The following TMEM266 variants were observed in gnomAD, a reference collection of about 807,000 sequenced individuals.
TMEM266 encodes Hv1 related protein 1.
In TMEM266, 33 loss-of-function variants were observed where a neutral mutation model predicts 50.5. The ratio of observed to expected loss-of-function variants is 0.65; its 90% CI spans 0.50 to 0.87. TMEM266 has a LOEUF of 0.87. Ranked by LOEUF, TMEM266 falls within the 40% of genes least tolerant of loss-of-function variation. The pLI is 0.00. For synonymous variants in TMEM266, 310 were observed against 292.3 expected (o/e 1.06, Z -0.62); for missense variants, 655 against 695.1 (o/e 0.94, Z 0.65).
chr15:76,149,778 A>G (rs2037810047), intron 3 of TMEM266, among the ~76,000 whole-genome samples: 1 of 152,192 alleles, frequency 6.6e-6, no homozygotes, highest in African/African-American at 2.4e-5. Flanking sequence ...AAGCAACTAG[A>G]CGAGTTAACA....
chr15:76,063,110 G>C (rs1173085110), intron 1 of TMEM266, among the ~76,000 whole-genome samples: 2 of 152,120 alleles, frequency 1.3e-5, no homozygotes, highest in African/African-American at 4.8e-5. Flanking sequence ...CGACAGTCTT[G>C]AATCACAAAA....
At chr15:76,176,753 G>A (rs1239728162) in intron 8 of TMEM266, among the ~76,000 whole-genome samples, 2 of 152,228 alleles carry the variant, frequency 1.3e-5, no homozygotes, top group African/African-American at 4.8e-5. Context: ...CTTCTGGCTT[G>A]CAGTGCGGTG....
intron 3 of TMEM266, among the ~76,000 whole-genome samples, chr15:76,150,692 C>T (rs1014819864): frequency 6.6e-6 from 1 of 152,144 alleles, no homozygotes; most frequent in Non-Finnish European, 1.5e-5. Context: ...AAGCACAGCC[C>T]TCCCCATCCT....
At chr15:76,084,586 G>A (rs946806658) in intron 1 of TMEM266, among the ~76,000 whole-genome samples, 1 of 141,904 alleles carries the variant, frequency 7.0e-6, no homozygotes, top group African/African-American at 2.8e-5. Context: ...CCAGAGATGA[G>A]GGTTTTTTTT....
chr15:76,093,889 G>A (rs2036888096), intron 1 of TMEM266, among the ~76,000 whole-genome samples: 1 of 152,042 alleles, frequency 6.6e-6, no homozygotes, highest in Non-Finnish European at 1.5e-5. Flanking sequence ...TTTTTCATAT[G>A]TGTGTTGGCT....
chr15:76,096,031 ACTAT>A (rs1216248230), intron 1 of TMEM266, among the ~76,000 whole-genome samples: 4 of 151,672 alleles, frequency 2.6e-5, no homozygotes, highest in Non-Finnish European at 5.9e-5. Flanking sequence ...TGGCTAGCAG[ACTAT>A]CTATTTTGTT....
At chr15:76,186,327 G>A (rs1031895383) in intron 8 of TMEM266, among the ~76,000 whole-genome samples, 1 of 152,190 alleles carries the variant, frequency 6.6e-6, no homozygotes, top group South Asian at 2.1e-4. Context: ...ATGTGGCCAT[G>A]ATAAGCATAG....
chr15:76,204,588 G>A lies in TMEM266; in HGVS notation c.*273G>A, dbSNP rs944268416. The A allele has an allele frequency of 6.7e-6, 2 of 298,810 alleles. No homozygotes were observed. Among genetic ancestry groups the A allele is most frequent in the Non-Finnish European group, 1.2e-5 (2 of 160,344 alleles). 18.5% of individuals were successfully genotyped at this position (298,810 alleles called of 1,614,324 possible). ...ACCATTTTTACAAAAACCAGCCTGT[G>A]GCCCAGCTTCAGCAGGGTAGAGTGT... On this transcript the variant is annotated 3_prime_UTR_variant, in exon 11 of 11. Transcript: ENST00000388942.
chr15:76,170,883 G>A, intron 6 of TMEM266, 110 bp from the exon 7 acceptor site: 1 of 1,371,816 alleles, frequency 7.3e-7, no homozygotes, highest in South Asian at 1.5e-5. Flanking sequence ...CTTCTGGTGG[G>A]GGCCCGGGCT....
intron 1 of TMEM266, among the ~76,000 whole-genome samples, chr15:76,060,439 G>C (rs961883502): frequency 6.6e-6 from 1 of 152,252 alleles, no homozygotes; most frequent in Non-Finnish European, 1.5e-5. Context: ...ACGTGGTATA[G>C]AGGTGGAAAT....
chr15:76,097,570 G>A (rs1000376946), intron 1 of TMEM266, among the ~76,000 whole-genome samples: 1 of 151,742 alleles, frequency 6.6e-6, no homozygotes, highest in African/African-American at 2.4e-5. Context: ...GACGATTATG[G>A]GTCTTGGGGT....
chr15:76,121,416 CT>C (rs571553857), intron 1 of TMEM266, among the ~76,000 whole-genome samples: 7 of 148,558 alleles, frequency 4.7e-5, no homozygotes, highest in Non-Finnish European at 7.5e-5. Context: ...TCTTGGTGTT[CT>C]TTTTTTTTTA....
chr15:76,175,814 T>C, intron 8 of TMEM266, 140 bp downstream of exon 8: 1 of 639,542 alleles, frequency 1.6e-6, no homozygotes, highest in Admixed American at 2.7e-5. Context: ...ATGGGGAACC[T>C]GAAGCCCAGA....
chr15:76,199,910 G>A (rs2038717540), intron 9 of TMEM266, among the ~76,000 whole-genome samples: 1 of 152,186 alleles, frequency 6.6e-6, no homozygotes, highest in East Asian at 1.9e-4. Flanking sequence ...CTTTTTAGGT[G>A]GTGGAAGGGC....
At chr15:76,158,353 A>T (rs1305228527) in intron 4 of TMEM266, among the ~76,000 whole-genome samples, 2 of 152,168 alleles carry the variant, frequency 1.3e-5, no homozygotes, top group African/African-American at 4.8e-5. Flanking sequence ...CTGGTTTTAC[A>T]CTCAACCTGT....
chr15:76,111,828 C>T (rs1049021489), intron 1 of TMEM266, among the ~76,000 whole-genome samples: 16 of 152,232 alleles, frequency 1.1e-4, no homozygotes, highest in Non-Finnish European at 1.9e-4. Context: ...CTGCACCTGA[C>T]GTAAACGTCA....
chr15:76,192,224 G>A, intron 9 of TMEM266, 67 bp downstream of exon 9: 1 of 1,352,108 alleles, frequency 7.4e-7, no homozygotes, highest in Non-Finnish European at 9.6e-7. Context: ...TCCCTCTCGC[G>A]CCCCGGGACT....
At chr15:76,163,821 A>T (rs1272474962) in intron 5 of TMEM266, among the ~76,000 whole-genome samples, 1 of 152,188 alleles carries the variant, frequency 6.6e-6, no homozygotes, top group African/African-American at 2.4e-5. Context: ...GGCCTTCTAG[A>T]CAGGAGCCTC....
intron 7 of TMEM266, chr15:76,175,074 A>C (rs1226455136): frequency 6.4e-6 from 1 of 156,576 alleles, no homozygotes; most frequent in Non-Finnish European, 1.4e-5. Context: ...TCTCTGTTTA[A>C]CACTCTGAAA....
Sources: gnomAD v4.1 joint callset for allele counts (sites outside exome capture counted in the v4.1 genomes callset) on GRCh38, gnomAD v4.1.1 for gene constraint, MANE v1.5 for transcripts, NCBI Gene and HGNC (gene_info 2026-07-23, HGNC 2026-07-21) for gene names.